Variants in MED13L observed in about 807,000 individuals in gnomAD.
MED13L encodes the protein mediator complex subunit 13L, also known as mediator of RNA polymerase II transcription subunit 13-like.
MED13L carries 7 observed loss-of-function variants against 220.9 expected under a neutral mutation model. The ratio of observed to expected loss-of-function variants is 0.03; its 90% CI spans 0.02 to 0.06. The LOEUF (loss-of-function observed/expected upper bound fraction) is 0.06, where lower values mean the gene tolerates loss of function less well. MED13L is among the 10% of genes least tolerant of loss of function. The pLI is 1.00. For synonymous variants in MED13L, 1,011 were observed against 1,015.2 expected (o/e 1.00, Z 0.08); for missense variants, 1,965 against 2,760.5 (o/e 0.71, Z 6.46).
intron 2 of MED13L, among the ~76,000 whole-genome samples, chr12:116,117,014 T>C (rs1193654696): frequency 2.0e-5 from 3 of 151,772 alleles, no homozygotes; most frequent in Admixed American, 6.6e-5. Context: ...CAAATGTATA[T>C]AGTAGTTGTA....
intron 4 of MED13L, among the ~76,000 whole-genome samples, chr12:116,031,649 G>A (rs1248876509): frequency 6.7e-5 from 8 of 118,692 alleles, no homozygotes; most frequent in African/African-American, 9.7e-5. Context: ...GAGGGGGGAC[G>A]GGACGGGACG....
At position 116,269,988 on chromosome 12, in the gene MED13L, C is replaced by A. The variant is rs377656560; in HGVS notation, c.72+7072G>T. Reference sequence around the variant, plus strand: ...TTTCAAACTAGAATCAAAATATATTCTAAAAAGCACTTTATTAACTTAAAA... The same window carrying A: ...TTTCAAACTAGAATCAAAATATATTATAAAAAGCACTTTATTAACTTAAAA... On this transcript the variant is annotated intron_variant, in intron 1 of 30. Transcript: ENST00000281928. Among the ~76,000 whole-genome samples the A allele has an allele frequency of 4.0e-5, 6 of 149,946 alleles. No homozygotes were observed. In the East Asian group the frequency reaches 9.8e-4, roughly 24 times the overall value.
chr12:116,010,523 T>G (rs1879327544), intron 9 of MED13L, among the ~76,000 whole-genome samples: 1 of 152,138 alleles, frequency 6.6e-6, no homozygotes, highest in African/African-American at 2.4e-5. Context: ...TCAGCTACAT[T>G]GCAAAAAGGT....
At chr12:116,087,787 C>T (rs913595206) in intron 4 of MED13L, among the ~76,000 whole-genome samples, 1 of 152,128 alleles carries the variant, frequency 6.6e-6, no homozygotes, top group Non-Finnish European at 1.5e-5. Context: ...TTGTATAGAG[C>T]ACTAAAAGTG....
chr12:116,154,771 T>C (rs1878296370), intron 2 of MED13L, among the ~76,000 whole-genome samples: 2 of 152,222 alleles, frequency 1.3e-5, no homozygotes, highest in Non-Finnish European at 2.9e-5. Context: ...ATTGAATTTT[T>C]AAAGCAATAT....
intron 2 of MED13L, among the ~76,000 whole-genome samples, chr12:116,224,310 T>G (rs1028217312): frequency 6.6e-6 from 1 of 152,216 alleles, no homozygotes; most frequent in Non-Finnish European, 1.5e-5. Flanking sequence ...TCCTTGAATG[T>G]GCAGTTACAC....
chr12:116,094,362 A>G (rs1189518596), intron 4 of MED13L, among the ~76,000 whole-genome samples: 1 of 152,232 alleles, frequency 6.6e-6, no homozygotes, highest in African/African-American at 2.4e-5. Context: ...TCATGAACAT[A>G]AAGTCTAAAA....
intron 4 of MED13L, among the ~76,000 whole-genome samples, chr12:116,044,915 C>T (rs529286469): frequency 6.6e-6 from 1 of 152,252 alleles, no homozygotes; most frequent in Non-Finnish European, 1.5e-5. Flanking sequence ...TTCATGGTGG[C>T]TTGGTAAATT....
chr12:116,094,781 C>G (rs1872521543), intron 4 of MED13L, among the ~76,000 whole-genome samples: 1 of 152,182 alleles, frequency 6.6e-6, no homozygotes, highest in South Asian at 2.1e-4. Flanking sequence ...ATATTTAAGT[C>G]TGCAGAGTCA....
intron 4 of MED13L, among the ~76,000 whole-genome samples, chr12:116,039,044 T>TA (rs1433946252): frequency 6.6e-6 from 1 of 152,166 alleles, no homozygotes; most frequent in Non-Finnish European, 1.5e-5. Context: ...AAAAAACTGA[T>TA]AAAGCTATAA....
At chr12:116,027,496 G>A (rs774015760) in intron 4 of MED13L, among the ~76,000 whole-genome samples, 1 of 152,116 alleles carries the variant, frequency 6.6e-6, no homozygotes, top group Non-Finnish European at 1.5e-5. Flanking sequence ...TGACTAAAGG[G>A]GAAAGAGAGA....
At position 115,966,113 on chromosome 12, in the gene MED13L, T is replaced by G; in HGVS notation, c.6356A>C (p.Gln2119Pro). The G allele has an allele frequency of 1.9e-6, 3 of 1,614,150 alleles. No individual in the cohort carries two copies. Among genetic ancestry groups the G allele is most frequent in the Non-Finnish European group, 2.5e-6 (3 of 1,180,022 alleles). Reference sequence around the variant, plus strand: ...GAAGAGAGGGCACTGGTTTTGAGCCTGGGGACACGATGACCAAAACCACTG... The same window carrying G: ...GAAGAGAGGGCACTGGTTTTGAGCCGGGGGACACGATGACCAAAACCACTG... ...LPQWFWSSCP[Q>P]AQNQCPLFLK... Residue 2119 changes from glutamine to proline, a missense_variant, in exon 29 of 31, where the codon CAG becomes CCG. Gln to Pro is a moderately conservative substitution (Grantham distance 76). Transcript: ENST00000281928.
intron 1 of MED13L, among the ~76,000 whole-genome samples, chr12:116,251,760 CAA>C (rs144650640): frequency 5.0e-5 from 6 of 120,488 alleles, no homozygotes; most frequent in African/African-American, 3.1e-5. Context: ...GACTCTGTCT[CAA>C]AAAAAAAAAA....
intron 4 of MED13L, among the ~76,000 whole-genome samples, chr12:116,089,116 A>G (rs1403743726): frequency 6.6e-6 from 1 of 152,230 alleles, no homozygotes; most frequent in East Asian, 1.9e-4. Context: ...AAATTATGGA[A>G]CTGAAAATGA....
At chr12:116,263,566 G>C (rs1358196919) in intron 1 of MED13L, among the ~76,000 whole-genome samples, 1 of 152,086 alleles carries the variant, frequency 6.6e-6, no homozygotes, top group African/African-American at 2.4e-5. Context: ...AACATGTGTG[G>C]GCTAGCTACT....
At chr12:116,111,324 T>G in intron 3 of MED13L, 104 bp downstream of exon 3, 1 of 879,328 alleles carries the variant, frequency 1.1e-6, no homozygotes, top group Non-Finnish European at 1.9e-6. Flanking sequence ...ATACTAGCAA[T>G]AAATCATTGC....
Position 115,960,988 on chromosome 12 carries a change from C to T in MED13L, c.*278G>A, listed in dbSNP as rs1183693221. ...GCTGAAAAGCCATCAACCACCACCA[C>T]TTCCTGGGGACCAGTGGTTGGGGCT... On this transcript the variant is annotated 3_prime_UTR_variant, in exon 31 of 31. Coordinates refer to ENST00000281928, the MANE Select transcript of MED13L (RefSeq NM_015335.5). 2.2e-6 allele frequency: 1 copy of T among 457,862 alleles called. No individual in the cohort carries two copies. The highest frequency in any genetic ancestry group is 4.1e-6 in the Non-Finnish European group (1 of 246,446). 28.4% of individuals were successfully genotyped at this position (457,862 alleles called of 1,614,324 possible). A position where few individuals can be genotyped will look rare whatever the true frequency, so the allele number is the denominator to read the frequency against.
chr12:116,262,466 C>T (rs1442206478), intron 1 of MED13L, among the ~76,000 whole-genome samples: 1 of 152,148 alleles, frequency 6.6e-6, no homozygotes, highest in African/African-American at 2.4e-5. Context: ...TTAAAGTCAG[C>T]TCTGTGGGTT....
chr12:116,153,988 C>T (rs1878250294), intron 2 of MED13L, among the ~76,000 whole-genome samples: 1 of 152,100 alleles, frequency 6.6e-6, no homozygotes, highest in Non-Finnish European at 1.5e-5. Context: ...GTAGGTATAA[C>T]AACAACAAAA....
Sources: gnomAD v4.1 joint callset for allele counts (sites outside exome capture counted in the v4.1 genomes callset) on GRCh38, gnomAD v4.1.1 for gene constraint, MANE v1.5 for transcripts, NCBI Gene and HGNC (gene_info 2026-07-23, HGNC 2026-07-21) for gene names.